Variants in MEF2D observed in about 807,000 individuals in gnomAD.
MEF2D encodes the protein myocyte-specific enhancer factor 2D.
MEF2D carries 10 observed loss-of-function variants against 59.3 expected under a neutral mutation model. The ratio of observed to expected loss-of-function variants is 0.17; its 90% confidence interval spans 0.10 to 0.29. The LOEUF (loss-of-function observed/expected upper bound fraction) is 0.29. MEF2D is among the 10% of genes least tolerant of loss of function. The pLI, the probability that MEF2D is intolerant of heterozygous loss-of-function variation, is 1.00. For missense variants in MEF2D, 508 were observed against 699.4 expected, an observed-to-expected ratio of 0.73 and a Z score of 3.09; for synonymous variants, 305 against 295.0, an observed-to-expected ratio of 1.03 and a Z score of -0.35.
intron 9 of MEF2D, among the ~76,000 whole-genome samples, chr1:156,473,567 C>A (rs569528243): frequency 6.6e-6 from 1 of 152,188 alleles, no homozygotes; most frequent in Non-Finnish European, 1.5e-5. Context: ...GGGGACAAGG[C>A]GTTTCCTTAC....
chr1:156,481,115 A>C, intron 3 of MEF2D, 144 bp from the exon 4 acceptor site: 3 of 1,139,570 alleles, frequency 2.6e-6, no homozygotes, highest in Admixed American at 2.2e-5. Flanking sequence ...GCCCCTCCCC[A>C]CTGACAGTGC....
intron 1 of MEF2D, among the ~76,000 whole-genome samples, chr1:156,496,092 G>C (rs1452296261): frequency 6.6e-6 from 1 of 152,214 alleles, no homozygotes; most frequent in Non-Finnish European, 1.5e-5. Context: ...CACCAGCCAG[G>C]ACTAACCAGA....
At chr1:156,492,246 T>C (rs1231950537) in intron 1 of MEF2D, among the ~76,000 whole-genome samples, 1 of 152,192 alleles carries the variant, frequency 6.6e-6, no homozygotes, top group Non-Finnish European at 1.5e-5. Flanking sequence ...CCAAAACGCA[T>C]CCACAGTGCA....
Position 156,468,390 on chromosome 1 carries a change from G to C in MEF2D, c.1248-91C>G, listed in dbSNP as rs1169727217. 2.2e-6 allele frequency: 2 copies of C among 925,668 alleles called. No individual in the cohort carries two copies. Among genetic ancestry groups the C allele is most frequent in the East Asian group, 5.1e-5 (2 of 38,964 alleles). The allele number at this position is 925,668 out of a possible 1,614,324, so 57.3% of individuals were successfully genotyped here. A position where few individuals can be genotyped will look rare whatever the true frequency, so the allele number is the denominator to read the frequency against. On this transcript the variant is annotated intron_variant, in intron 10 of 11. Coordinates refer to ENST00000348159, the MANE Select transcript of MEF2D (RefSeq NM_005920.4). This position sits in a 1 kb window ranked among gnomAD's most constrained non-coding sequence, Gnocchi z 4.3. ...TGATAGGACACCAGACAGAAAGTGA[G>C]AGAGAACAAGAGGATGAGAATATGG...
At chr1:156,473,249 T>C (rs1571223719) in intron 9 of MEF2D, among the ~76,000 whole-genome samples, 1 of 151,638 alleles carries the variant, frequency 6.6e-6, no homozygotes. Context: ...TCTCTTGACC[T>C]CGTGATCCTC....
chr1:156,475,257 G>A lies in MEF2D; in HGVS notation c.877-20C>T, dbSNP rs58257875. On this transcript the variant is annotated intron_variant, in intron 8 of 11. Coordinates refer to ENST00000348159, the MANE Select transcript of MEF2D (RefSeq NM_005920.4). ...ATTGTTCTGTAGGAGAAAACTGTCCGTCAGGAGGTGGCTGACAGGTGGGCA... is the reference window on the plus strand; with the variant it reads ...ATTGTTCTGTAGGAGAAAACTGTCCATCAGGAGGTGGCTGACAGGTGGGCA... The A allele has an allele frequency of 2.2e-3, 3,447 of 1,572,656 alleles. 54 individuals carry two copies. In the African/African-American group the frequency reaches 0.036, roughly 16 times the overall value.
chr1:156,492,895 C>T (rs764183933), intron 1 of MEF2D, among the ~76,000 whole-genome samples: 4 of 152,104 alleles, frequency 2.6e-5, no homozygotes, highest in Admixed American at 6.5e-5. Flanking sequence ...AGCGGGTGGG[C>T]TAATGGTTAG....
chr1:156,497,459 C>G (rs1389111267), intron 1 of MEF2D, among the ~76,000 whole-genome samples: 1 of 152,246 alleles, frequency 6.6e-6, no homozygotes, highest in African/African-American at 2.4e-5. Flanking sequence ...CCATGAGACT[C>G]AGAACCTGAC....
chr1:156,491,792 G>A (rs948276966), intron 1 of MEF2D, among the ~76,000 whole-genome samples: 1 of 152,206 alleles, frequency 6.6e-6, no homozygotes, highest in Non-Finnish European at 1.5e-5. Flanking sequence ...TCATTTGCAT[G>A]AGGATTTGCA....
intron 11 of MEF2D, 119 bp from the exon 12 acceptor site, chr1:156,467,775 G>A: frequency 8.6e-7 from 1 of 1,160,056 alleles, no homozygotes; most frequent in Non-Finnish European, 1.2e-6. Flanking sequence ...AGCTGTGAGG[G>A]GAAGAAGTCA....
Position 156,467,494 on chromosome 1 carries a change from T to A in MEF2D, c.*151A>T, listed in dbSNP as rs1008216387. 6 of 382,058 alleles carry A rather than the reference T, an allele frequency of 1.6e-5. No individual in the cohort carries two copies. The highest frequency in any genetic ancestry group is 8.6e-5 in the East Asian group (2 of 23,152). The allele number at this position is 382,058 out of a possible 1,614,324, so 23.7% of individuals were successfully genotyped here. On this transcript the variant is annotated 3_prime_UTR_variant, in exon 12 of 12. Coordinates refer to ENST00000348159, the MANE Select transcript of MEF2D (RefSeq NM_005920.4). ...AAATATAATAATAATAATAATAATA[T>A]AATAATTATACACAAATGTAACCGT...
chr1:156,482,996 C>T (rs777225913), intron 2 of MEF2D, among the ~76,000 whole-genome samples: 4 of 152,168 alleles, frequency 2.6e-5, no homozygotes, highest in Non-Finnish European at 5.9e-5. Flanking sequence ...TTGCAAATGG[C>T]TCTGGGATGG....
rs1670666161 is a variant in MEF2D, at chr1:156,463,790, A to T, written c.*3855T>A. On this transcript the variant is annotated 3_prime_UTR_variant, in exon 12 of 12. Coordinates refer to ENST00000348159, the MANE Select transcript of MEF2D (RefSeq NM_005920.4). ...CTCTTTACAACAAATATAGTGAAAG[A>T]GTTTTCAAACAAAACTCATAAGAAT... The T allele has an allele frequency of 6.6e-6, 1 of 152,550 alleles. No individual in the cohort carries two copies. Among genetic ancestry groups the T allele is most frequent in the African/African-American group, 2.4e-5 (1 of 41,450 alleles). The allele number at this position is 152,550 out of a possible 1,614,324, so 9.4% of individuals were successfully genotyped here. A position where few individuals can be genotyped will look rare whatever the true frequency, so the allele number is the denominator to read the frequency against.
chr1:156,496,161 AT>A (rs1168927799), intron 1 of MEF2D, among the ~76,000 whole-genome samples: 1 of 152,190 alleles, frequency 6.6e-6, no homozygotes, highest in African/African-American at 2.4e-5. Context: ...GAAAAGGAAA[AT>A]GTCAGATGAA....
chr1:156,495,152 C>T (rs1673055507), intron 1 of MEF2D, among the ~76,000 whole-genome samples: 1 of 152,182 alleles, frequency 6.6e-6, no homozygotes, highest in South Asian at 2.1e-4. Context: ...ACCCTCCTCA[C>T]CTTGCCACCA....
At chr1:156,469,356 C>G (rs1339946876) in intron 9 of MEF2D, among the ~76,000 whole-genome samples, 1 of 152,124 alleles carries the variant, frequency 6.6e-6, no homozygotes, top group African/African-American at 2.4e-5. Flanking sequence ...CTCCCACGTT[C>G]AAGCAAATCT....
At position 156,480,979 on chromosome 1, in the gene MEF2D, C is replaced by G. The variant is rs1343516609; in HGVS notation, c.259-8G>C. 8 of 1,611,508 alleles carry G rather than the reference C, an allele frequency of 5.0e-6. No individual in the cohort carries two copies. Among genetic ancestry groups the G allele is most frequent in the African/African-American group, 1.3e-5 (1 of 74,884 alleles). On this transcript the variant is annotated splice_region_variant and splice_polypyrimidine_tract_variant and intron_variant, in intron 3 of 11. Coordinates refer to ENST00000348159, the MANE Select transcript of MEF2D (RefSeq NM_005920.4). Reference sequence around the variant, plus strand: ...GCCCTTCTTCCTCAGGGTCTGTAACCGCACCACTGCCATCAGCTGGGTGAG... The same window carrying G: ...GCCCTTCTTCCTCAGGGTCTGTAACGGCACCACTGCCATCAGCTGGGTGAG...
chr1:156,496,067 A>G (rs1673112620), intron 1 of MEF2D, among the ~76,000 whole-genome samples: 1 of 152,234 alleles, frequency 6.6e-6, no homozygotes, highest in Admixed American at 6.5e-5. Context: ...CAATGAATGC[A>G]TTCCCCTGTC....
At position 156,479,314 on chromosome 1, in the gene MEF2D, T is replaced by G; in HGVS notation, c.640A>C (p.Asn214His). 6.2e-7 allele frequency: 1 copy of G among 1,611,950 alleles called. No individual in the cohort carries two copies. The highest frequency in any genetic ancestry group is 8.5e-7 in the Non-Finnish European group (1 of 1,179,326). ...CCAACAGGGCTGGGGCAGGCTCCGT[T>G]AGCACTGTTCAGGTCACCCCCCAGC... ...AMLGGDLNSA[N>H]GACPSPVGNG... Residue 214 changes from asparagine to histidine, a missense_variant, in exon 6 of 12, where the codon AAC (asparagine) becomes CAC (histidine). This residue lies in a region of MEF2D where 481 missense variants were observed against 584.7 expected (regional missense o/e 0.82). Transcript: ENST00000348159.
Sources: gnomAD v4.1 joint callset for allele counts (sites outside exome capture counted in the v4.1 genomes callset) on GRCh38, gnomAD v4.1.1 for gene constraint, gnomAD v4.1.1 regional missense constraint, Gnocchi (gnomAD v3.1) non-coding constraint, MANE v1.5 for transcripts, NCBI Gene and HGNC (gene_info 2026-07-23, HGNC 2026-07-21) for gene names.